The following NRROS variants were observed in gnomAD, a reference collection of about 807,000 sequenced individuals.
The protein encoded by NRROS is negative regulator of reactive oxygen species.
NRROS carries 6 observed loss-of-function variants against 12.0 expected under a neutral mutation model. The observed-to-expected ratio is 0.50, with a 90% CI of 0.27 to 0.98. The LOEUF (loss-of-function observed/expected upper bound fraction) is 0.98, where lower values mean the gene tolerates loss of function less well. NRROS is among the 50% of genes least tolerant of loss of function. The probability of loss-of-function intolerance (pLI) is 0.11; values close to 1 mark genes in which losing one functional copy is unlikely to be tolerated. For missense variants in NRROS, 857 were observed against 888.2 expected, an observed-to-expected ratio of 0.96 and a Z score of 0.45; for synonymous variants, 462 against 410.2, an observed-to-expected ratio of 1.13 and a Z score of -1.53.
Position 196,660,193 on chromosome 3 carries a change from C to T in NRROS, c.550C>T (p.Arg184Trp), listed in dbSNP as rs751430332. The T allele has an allele frequency of 8.1e-5, 130 of 1,613,084 alleles. No individual in the cohort carries two copies. Among genetic ancestry groups the T allele is most frequent in the Non-Finnish European group, 1.1e-4 (125 of 1,180,038 alleles). The change falls in exon 3 of 3, where the codon CGG (arginine) becomes TGG (tryptophan). Residue 184 changes from arginine to tryptophan, a missense_variant. Transcript: ENST00000328557. The surrounding 1 kb of genome is among the most constrained non-coding windows in gnomAD (Gnocchi z 7.7). ...DSVFEGLERL[R>W]ELDLQRNYIF... ...CGTCTTCGAGGGCCTGGAGCGTCTC[C>T]GGGAGCTGGATCTGCAGAGGAACTA...
intron 1 of NRROS, among the ~76,000 whole-genome samples, chr3:196,642,269 C>T (rs549437128): frequency 4.2e-4 from 59 of 141,534 alleles, no homozygotes; most frequent in Non-Finnish European, 6.8e-4. Context: ...AAAAAACCAA[C>T]GTAAATATGC....
intron 1 of NRROS, among the ~76,000 whole-genome samples, chr3:196,642,705 A>G (rs1247686667): frequency 6.6e-6 from 1 of 152,208 alleles, no homozygotes; most frequent in East Asian, 1.9e-4. Flanking sequence ...TTTTGAAGAA[A>G]GGAAGGGGGT....
Position 196,660,376 on chromosome 3 carries a change from G to C in NRROS, c.733G>C (p.Gly245Arg), listed in dbSNP as rs369486724. Residue 245 changes from glycine to arginine, a missense_variant, in exon 3 of 3, where the codon GGG becomes CGG. Gly to Arg is a moderately radical substitution (Grantham distance 125). Transcript: ENST00000328557. The surrounding 1 kb of genome is among the most constrained non-coding windows in gnomAD (Gnocchi z 7.7). The part of the protein sequence containing the change: ...YNVLEWFLAT[G>R]GEAAFELETL... ...CGTCCTGGAGTGGTTCCTCGCGACC[G>C]GGGGAGAGGCTGCCTTCGAGCTGGA... 35 of 1,613,824 alleles carry C rather than the reference G, an allele frequency of 2.2e-5. No individual in the cohort carries two copies. Among genetic ancestry groups the C allele is most frequent in the Non-Finnish European group, 2.6e-5 (31 of 1,180,000 alleles).
intron 1 of NRROS, among the ~76,000 whole-genome samples, chr3:196,646,883 G>T (rs1037267044): frequency 6.6e-6 from 1 of 152,202 alleles, no homozygotes. Context: ...GAGCCGCCGC[G>T]TGCCTCTCTT....
chr3:196,652,036 G>A (rs2668194), intron 1 of NRROS, among the ~76,000 whole-genome samples: 52 of 152,216 alleles, frequency 3.4e-4, no homozygotes, highest in South Asian at 2.5e-3. Context: ...TCAGAGCCCT[G>A]CCACACTGAG....
chr3:196,647,442 ATGTT>A (rs1026538255), intron 1 of NRROS, among the ~76,000 whole-genome samples: 1 of 152,188 alleles, frequency 6.6e-6, no homozygotes, highest in Non-Finnish European at 1.5e-5. Context: ...ACAATTCTAA[ATGTT>A]TGTTGTTCTA....
In NRROS at chr3:196,639,827, G is replaced by GT. The variant is rs1488581604; in HGVS notation, c.-62_-61insT. ...TTCGGCTGCTCTCGAGGAGGCCGGA[G>GT]CCCCCGGAGACGATGCGCCCCGCGC... On this transcript the variant is annotated 5_prime_UTR_variant, in exon 1 of 3. An upstream open reading frame in the 5' UTR loses its in-frame stop. Transcript: ENST00000328557. 6.6e-6 allele frequency: 1 copy of GT among 152,432 alleles called. No individual in the cohort carries two copies. The highest frequency in any genetic ancestry group is 1.5e-5 in the Non-Finnish European group (1 of 68,200). 9.4% of individuals were successfully genotyped at this position (152,432 alleles called of 1,614,324 possible).
At position 196,661,783 on chromosome 3, in the gene NRROS, G is replaced by C; in HGVS notation, c.*61G>C. On this transcript the variant is annotated 3_prime_UTR_variant, in exon 3 of 3. Coordinates refer to ENST00000328557, the MANE Select transcript of NRROS (RefSeq NM_198565.3). Reference sequence around the variant, plus strand: ...ACACAACAGGACACTTTCTCTGCCAGCTTTCAAGATGTGATGCAGAGGCCA... The same window carrying C: ...ACACAACAGGACACTTTCTCTGCCACCTTTCAAGATGTGATGCAGAGGCCA... 3.5e-6 allele frequency: 5 copies of C among 1,422,570 alleles called. No homozygotes were observed. The highest frequency in any genetic ancestry group is 4.7e-6 in the Non-Finnish European group (5 of 1,056,988). The allele number at this position is 1,422,570 out of a possible 1,614,324, so 88.1% of individuals were successfully genotyped here. A position where few individuals can be genotyped will look rare whatever the true frequency, so the allele number is the denominator to read the frequency against.
chr3:196,640,963 G>C (rs1279408530), intron 1 of NRROS, among the ~76,000 whole-genome samples: 1 of 152,158 alleles, frequency 6.6e-6, no homozygotes, highest in Non-Finnish European at 1.5e-5. Context: ...TCACCTGCCG[G>C]CTGTGACACA....
At position 196,640,845 on chromosome 3, in the gene NRROS, C is replaced by T. The variant is rs142694862; in HGVS notation, c.-14+970C>T. Among the ~76,000 whole-genome samples the T allele has an allele frequency of 2.0e-5, 3 of 152,226 alleles. No homozygotes were observed. In the East Asian group the frequency reaches 5.8e-4, roughly 29 times the overall value. On this transcript the variant is annotated intron_variant, in intron 1 of 2. Transcript: ENST00000328557. ...CGGGGCTGCTGTGCTTCCCTAGGGG[C>T]TGAGGGGACCCCACCGGAGGCTTCT... is the stretch of plus-strand genomic sequence containing the variant.
At chr3:196,645,089 A>G (rs1737281797) in intron 1 of NRROS, among the ~76,000 whole-genome samples, 1 of 152,218 alleles carries the variant, frequency 6.6e-6, no homozygotes, top group African/African-American at 2.4e-5. Flanking sequence ...ATAAAAATCA[A>G]ATAATAAGAA....
At chr3:196,656,762 T>C (rs754145416) in intron 2 of NRROS, among the ~76,000 whole-genome samples, 1 of 152,122 alleles carries the variant, frequency 6.6e-6, no homozygotes, top group Non-Finnish European at 1.5e-5. Context: ...CTTGACACTT[T>C]CTGGCCCAGT....
At chr3:196,647,745 G>C (rs528403746) in intron 1 of NRROS, among the ~76,000 whole-genome samples, 68 of 152,336 alleles carry the variant, frequency 4.5e-4, no homozygotes, top group African/African-American at 1.5e-3. Flanking sequence ...TTTTAGTAGA[G>C]ACGGGGTTTC....
In NRROS at chr3:196,661,488, C is replaced by T. The variant is rs202005367; in HGVS notation, c.1845C>T (p.Asp615=). Reference sequence around the variant, plus strand: ...TGCAGCATGGGCAGACGGTGGCCGACTGGGCCATGGTCACCTGCAACCTCT... The same window carrying T: ...TGCAGCATGGGCAGACGGTGGCCGATTGGGCCATGGTCACCTGCAACCTCT... ...GALQHGQTVA[D]WAMVTCNLSS... The change falls in exon 3 of 3, where the codon GAC becomes GAT. Residue 615 remains aspartate (D), a synonymous_variant. Transcript: ENST00000328557. The T allele has an allele frequency of 6.2e-7, 1 of 1,607,566 alleles. No individual in the cohort carries two copies. The highest frequency in any genetic ancestry group is 8.5e-7 in the Non-Finnish European group (1 of 1,175,198).
chr3:196,656,899 G>C (rs1007265128), intron 2 of NRROS, among the ~76,000 whole-genome samples: 2 of 152,060 alleles, frequency 1.3e-5, no homozygotes, highest in Non-Finnish European at 2.9e-5. Flanking sequence ...TTATCCATTT[G>C]ACCTTATTAG....
intron 1 of NRROS, among the ~76,000 whole-genome samples, chr3:196,647,635 T>G (rs1052734794): frequency 1.3e-5 from 2 of 152,218 alleles, no homozygotes; most frequent in African/African-American, 4.8e-5. Context: ...CTCGGCTCAC[T>G]GCAACCTCTG....
chr3:196,656,873 A>G (rs984194453), intron 2 of NRROS, among the ~76,000 whole-genome samples: 3 of 152,026 alleles, frequency 2.0e-5, no homozygotes, highest in African/African-American at 4.8e-5. Flanking sequence ...GGTGCCCTCC[A>G]CTGGCCCTCA....
intron 1 of NRROS, among the ~76,000 whole-genome samples, chr3:196,642,147 A>G (rs1737220706): frequency 6.6e-6 from 1 of 152,124 alleles, no homozygotes; most frequent in Admixed American, 6.5e-5. Context: ...CAGAGACGTG[A>G]AGGAAAAAGG....
chr3:196,646,347 G>A (rs748389728), intron 1 of NRROS, among the ~76,000 whole-genome samples: 2 of 152,368 alleles, frequency 1.3e-5, no homozygotes, highest in African/African-American at 4.8e-5. Flanking sequence ...AGATGCTAAT[G>A]CGTTATGCGG....
Sources: gnomAD v4.1 joint callset for allele counts (sites outside exome capture counted in the v4.1 genomes callset) on GRCh38, gnomAD v4.1.1 for gene constraint, Gnocchi (gnomAD v3.1) non-coding constraint, MANE v1.5 for transcripts, NCBI Gene and HGNC (gene_info 2026-07-23, HGNC 2026-07-21) for gene names.